Variants in DIAPH3 observed in about 807,000 individuals in gnomAD.
DIAPH3 encodes protein diaphanous homolog 3.
DIAPH3 carries 117 observed loss-of-function variants against 144.3 expected under a neutral mutation model. The observed-to-expected ratio is 0.81, with a 90% CI of 0.70 to 0.95. DIAPH3 has a LOEUF of 0.95. Ranked by LOEUF, DIAPH3 falls within the 40% of genes least tolerant of loss-of-function variation. The pLI is 0.00. For missense variants in DIAPH3, 1,421 were observed against 1,412.7 expected, an observed-to-expected ratio of 1.01 and a Z score of -0.09; for synonymous variants, 519 against 488.9, an observed-to-expected ratio of 1.06 and a Z score of -0.81.
chr13:59,714,490 A>C (rs1363513625), intron 27 of DIAPH3, among the ~76,000 whole-genome samples: 1 of 152,168 alleles, frequency 6.6e-6, no homozygotes, highest in African/African-American at 2.4e-5. Flanking sequence ...GGCTATGAAC[A>C]CACCACTGCC....
chr13:59,866,130 T>C (rs2139967290), intron 21 of DIAPH3, among the ~76,000 whole-genome samples: 1 of 152,048 alleles, frequency 6.6e-6, no homozygotes, highest in East Asian at 1.9e-4. Context: ...TGAATAATAT[T>C]AATGCTGAGG....
At chr13:60,156,939 A>ATTTT (rs757042309) in intron 1 of DIAPH3, among the ~76,000 whole-genome samples, 11 of 82,060 alleles carry the variant, frequency 1.3e-4, no homozygotes, top group Non-Finnish European at 2.3e-4. Context: ...ATATATATAT[A>ATTTT]TTTTTTTTTT....
intron 25 of DIAPH3, among the ~76,000 whole-genome samples, chr13:59,803,021 G>C (rs1009259836): frequency 6.6e-6 from 1 of 152,092 alleles, no homozygotes; most frequent in African/African-American, 2.4e-5. Flanking sequence ...TTCTGTGAAG[G>C]CCAGCTAACA....
chr13:60,022,251 C>T (rs146627188), intron 5 of DIAPH3, among the ~76,000 whole-genome samples: 28 of 152,206 alleles, frequency 1.8e-4, no homozygotes, highest in East Asian at 3.9e-4. Context: ...CCTTTTCTTG[C>T]TTCAGTGTTC....
At chr13:59,848,603 G>A (rs1253314480) in intron 22 of DIAPH3, among the ~76,000 whole-genome samples, 3 of 131,796 alleles carry the variant, frequency 2.3e-5, no homozygotes, top group Non-Finnish European at 4.8e-5. Context: ...TACTGAGAAT[G>A]ATGATTTCCA....
intron 21 of DIAPH3, among the ~76,000 whole-genome samples, chr13:59,870,559 T>C (rs545578541): frequency 2.6e-5 from 4 of 152,098 alleles, no homozygotes; most frequent in Non-Finnish European, 4.4e-5. Context: ...ATAGATCAAG[T>C]TGGGAAGAAA....
In DIAPH3 at chr13:60,077,247, G is replaced by A. The variant is rs560507634; in HGVS notation, c.495+16381C>T. The stretch of plus-strand genomic sequence containing the variant: ...ACAGGGGGAAATGCGTAAAGATCAC[G>A]AGCTATAAAATCTAAATAGTGCAAA... On this transcript the variant is annotated intron_variant, in intron 4 of 27. Transcript: ENST00000400324. Among the ~76,000 whole-genome samples the A allele has an allele frequency of 2.9e-4, 44 of 151,040 alleles. No individual in the cohort carries two copies. In the East Asian group the frequency reaches 3.1e-3, roughly 11 times the overall value.
chr13:59,879,178 T>G lies in DIAPH3; in HGVS notation c.2607+51A>C, dbSNP rs370627616. The G allele has an allele frequency of 3.1e-6, 5 of 1,611,916 alleles. No homozygotes were observed. In the East Asian group the frequency reaches 1.1e-4, roughly 36 times the overall value. On this transcript the variant is annotated intron_variant, in intron 21 of 27. Coordinates refer to ENST00000400324, the MANE Select transcript of DIAPH3 (RefSeq NM_001042517.2). Reference sequence around the variant, plus strand: ...TTAAATAATGCAATCAGGGCTGACATTTAAGAGCAAGTGTTCAGGCAAATA... The same window carrying G: ...TTAAATAATGCAATCAGGGCTGACAGTTAAGAGCAAGTGTTCAGGCAAATA...
In DIAPH3 at chr13:59,935,321, G is replaced by A. The variant is rs530199080; in HGVS notation, c.2075-10451C>T. 6.6e-5 allele frequency among the ~76,000 whole-genome samples: 10 copies of A among 152,276 alleles called. No homozygotes were observed. In the East Asian group the frequency reaches 1.7e-3, roughly 26 times the overall value. On this transcript the variant is annotated intron_variant, in intron 17 of 27. Coordinates refer to ENST00000400324, the MANE Select transcript of DIAPH3 (RefSeq NM_001042517.2). ...GTTCCAAAGGAAAAGTCAAGAATGC[G>A]CCTATCACTACCTCTCAAGTAGTGG...
intron 25 of DIAPH3, among the ~76,000 whole-genome samples, chr13:59,780,620 T>C (rs1211633973): frequency 6.6e-6 from 1 of 152,160 alleles, no homozygotes; most frequent in Non-Finnish European, 1.5e-5. Flanking sequence ...AAAATTGCAC[T>C]GTGTCAAAGG....
chr13:59,853,033 A>C (rs1439052013), intron 22 of DIAPH3, among the ~76,000 whole-genome samples: 1 of 152,134 alleles, frequency 6.6e-6, no homozygotes, highest in Non-Finnish European at 1.5e-5. Flanking sequence ...CACAACAAAC[A>C]TCTGGGTTAA....
Position 60,094,731 on chromosome 13 carries a change from T to G in DIAPH3, c.391-999A>C, listed in dbSNP as rs146894254. On this transcript the variant is annotated intron_variant, in intron 3 of 27. Coordinates refer to ENST00000400324, the MANE Select transcript of DIAPH3 (RefSeq NM_001042517.2). ...TGCTACATTCATCAAACGCTGTAGT[T>G]TATGCCTTTAGCTGACTCAATTCTT... is the stretch of plus-strand genomic sequence containing the variant. Among the ~76,000 whole-genome samples the G allele has an allele frequency of 3.9e-5, 6 of 152,324 alleles. No individual in the cohort carries two copies. In the East Asian group the frequency reaches 1.2e-3, roughly 29 times the overall value.
At chr13:60,032,966 GCT>G (rs2054916696) in intron 5 of DIAPH3, among the ~76,000 whole-genome samples, 1 of 152,192 alleles carries the variant, frequency 6.6e-6, no homozygotes, top group Admixed American at 6.5e-5. Context: ...CATCTTGAAT[GCT>G]TTGGTGCTTA....
chr13:59,811,058 A>C (rs1300115608), intron 24 of DIAPH3, 135 bp from the exon 25 acceptor site: 2 of 818,388 alleles, frequency 2.4e-6, no homozygotes, highest in East Asian at 5.3e-5. Context: ...TTAGTAATAC[A>C]GTCTTCTAAA....
intron 1 of DIAPH3, among the ~76,000 whole-genome samples, chr13:60,152,251 A>T (rs553889840): frequency 8.1e-4 from 124 of 152,280 alleles, no homozygotes; most frequent in South Asian, 2.5e-3. Context: ...CCTTTGACAG[A>T]ACTATGACTG....
intron 17 of DIAPH3, among the ~76,000 whole-genome samples, chr13:59,943,830 GGCTTTGATTGGCCTCAAT>G (rs1429492289): frequency 6.6e-6 from 1 of 152,054 alleles, no homozygotes; most frequent in African/African-American, 2.4e-5. Flanking sequence ...AATGACCAAA[GGCTTTGATTGGCCTCAAT>G]TATTTGAGGT....
chr13:60,029,116 C>T lies in DIAPH3; in HGVS notation c.627-12971G>A, dbSNP rs2054599502. Among the ~76,000 whole-genome samples, 3 of 151,840 alleles carry T rather than the reference C, an allele frequency of 2.0e-5. No homozygotes were observed. The South Asian group carries it at 6.2e-4, about 32-fold the overall frequency. Reference sequence around the variant, plus strand: ...AAATTCACGGAACAAGTAACAACCTCCTCCACCCCAATTAACAGCACTACT... The same window carrying T: ...AAATTCACGGAACAAGTAACAACCTTCTCCACCCCAATTAACAGCACTACT... On this transcript the variant is annotated intron_variant, in intron 5 of 27. Transcript: ENST00000400324.
At chr13:60,069,361 A>G (rs142721150) in intron 4 of DIAPH3, among the ~76,000 whole-genome samples, 1 of 152,188 alleles carries the variant, frequency 6.6e-6, no homozygotes, top group Non-Finnish European at 1.5e-5. Flanking sequence ...AGTTCCTTAT[A>G]GATTCTGGAT....
At chr13:60,007,899 T>C (rs1182786528) in intron 9 of DIAPH3, among the ~76,000 whole-genome samples, 1 of 152,126 alleles carries the variant, frequency 6.6e-6, no homozygotes, top group Non-Finnish European at 1.5e-5. Context: ...TCGACCTAAT[T>C]GGCAAAACAT....
Sources: gnomAD v4.1 joint callset for allele counts (sites outside exome capture counted in the v4.1 genomes callset) on GRCh38, gnomAD v4.1.1 for gene constraint, MANE v1.5 for transcripts, NCBI Gene and HGNC (gene_info 2026-07-23, HGNC 2026-07-21) for gene names.